Variants in VPS53 observed in about 807,000 individuals in gnomAD.
VPS53 encodes the protein VPS53 subunit of GARP complex, also known as vacuolar protein sorting-associated protein 53 homolog.
In VPS53, 70 loss-of-function variants were observed where a neutral mutation model predicts 107.0. The observed-to-expected ratio is 0.65, with a 90% CI of 0.54 to 0.80. The LOEUF (loss-of-function observed/expected upper bound fraction) is 0.80, where lower values mean the gene tolerates loss of function less well. Ranked by LOEUF, VPS53 falls within the 30% of genes least tolerant of loss-of-function variation. The pLI is 0.00. For missense variants in VPS53, 917 were observed against 1,049.4 expected (o/e 0.87, Z 1.74); for synonymous variants, 409 against 393.3 (o/e 1.04, Z -0.47).
At chr17:564,691 T>C (rs1200971930) in intron 13 of VPS53, among the ~76,000 whole-genome samples, 2 of 151,772 alleles carry the variant, frequency 1.3e-5, no homozygotes, top group Admixed American at 6.6e-5. Flanking sequence ...CATTCCAGCC[T>C]GGGCAACAGA....
Position 521,610 on chromosome 17 carries a change from C to A in VPS53, c.2214G>T (p.Met738Ile). The A allele has an allele frequency of 6.5e-7, 1 of 1,544,094 alleles. No individual in the cohort carries two copies. The highest frequency in any genetic ancestry group is 8.8e-7 in the Non-Finnish European group (1 of 1,142,438). Reference sequence around the variant, plus strand: ...TAACACAAGCCATCACCTTGAGGATCATCTCAGCCCGGGTCATGCCTTTGA... The same window carrying A: ...TAACACAAGCCATCACCTTGAGGATAATCTCAGCCCGGGTCATGCCTTTGA... ...IVVKGMTRAE[M>I]ILKVVMAPHE... Residue 738 changes from methionine (M) to isoleucine (I), a missense_variant, in exon 20 of 22, where the codon ATG (methionine) becomes ATT (isoleucine). Coordinates refer to ENST00000437048, the MANE Select transcript of VPS53 (RefSeq NM_001128159.3).
At chr17:614,883 G>T (rs970716686) in intron 11 of VPS53, among the ~76,000 whole-genome samples, 1 of 152,166 alleles carries the variant, frequency 6.6e-6, no homozygotes, top group African/African-American at 2.4e-5. Flanking sequence ...TTATGCAGTG[G>T]TCAAGAGGAA....
In VPS53 at chr17:636,724, G is replaced by C. The variant is rs143565232; in HGVS notation, c.609-5096C>G. Among the ~76,000 whole-genome samples the C allele has an allele frequency of 2.2e-3, 341 of 152,228 alleles. 9 individuals are homozygous for C. In the East Asian group the frequency reaches 0.055, roughly 25 times the overall value. ...GTTTATATGATGAATTACATTTTTTGATTTGCATATGTTGAACCAGCCTTG... is the reference window on the plus strand; with the variant it reads ...GTTTATATGATGAATTACATTTTTTCATTTGCATATGTTGAACCAGCCTTG... On this transcript the variant is annotated intron_variant, in intron 7 of 21. Coordinates refer to ENST00000437048, the MANE Select transcript of VPS53 (RefSeq NM_001128159.3).
intron 5 of VPS53, among the ~76,000 whole-genome samples, chr17:659,038 A>T (rs535520417): frequency 2.4e-5 from 2 of 84,106 alleles, no homozygotes; most frequent in South Asian, 4.0e-4. Context: ...CCAATGAATT[A>T]AAAAAAAAAA....
intron 19 of VPS53, among the ~76,000 whole-genome samples, chr17:525,996 CAAAAAAA>C (rs10677094): frequency 1.3e-5 from 1 of 74,684 alleles, no homozygotes; most frequent in African/African-American, 5.4e-5. Flanking sequence ...GACATTTTCT[CAAAAAAA>C]AAAAAAAAAA....
chr17:699,438 C>A, intron 2 of VPS53, 58 bp from the exon 3 acceptor site: 1 of 1,415,032 alleles, frequency 7.1e-7, no homozygotes, highest in Non-Finnish European at 9.4e-7. Context: ...ATTCCTCTTT[C>A]ACAGGAAAAT....
intron 2 of VPS53, among the ~76,000 whole-genome samples, chr17:700,286 T>C (rs1973149001): frequency 6.6e-6 from 1 of 152,106 alleles, no homozygotes; most frequent in African/African-American, 2.4e-5. Context: ...CTCACGCCTG[T>C]AATCCCAGCA....
In VPS53 at chr17:710,992, G is replaced by A. The variant is rs191631683; in HGVS notation, c.88-379C>T. ...TAATTAAAATAAGGCTGCGCGGATC[G>A]CTTGAGCTCAGGAGTTGGAGACTGG... On this transcript the variant is annotated intron_variant, in intron 1 of 21. Coordinates refer to ENST00000437048, the MANE Select transcript of VPS53 (RefSeq NM_001128159.3). Among the ~76,000 whole-genome samples, 150 of 152,164 alleles carry A rather than the reference G, an allele frequency of 9.9e-4. 1 individual carries two copies. The highest frequency in any genetic ancestry group is 3.4e-3 in the African/African-American group (140 of 41,518).
At chr17:557,110 C>T (rs992269278) in intron 15 of VPS53, among the ~76,000 whole-genome samples, 2 of 152,218 alleles carry the variant, frequency 1.3e-5, no homozygotes, top group Non-Finnish European at 2.9e-5. Context: ...TCCTCAGCCT[C>T]CCAAAGTGCT....
intron 8 of VPS53, among the ~76,000 whole-genome samples, chr17:630,922 T>C (rs1046732205): frequency 1.3e-5 from 2 of 152,138 alleles, no homozygotes; most frequent in East Asian, 1.9e-4. Context: ...GGCGCTAAGA[T>C]GGCATCTGCT....
chr17:568,706 G>A (rs1913778066), intron 13 of VPS53, among the ~76,000 whole-genome samples: 1 of 152,182 alleles, frequency 6.6e-6, no homozygotes, highest in African/African-American at 2.4e-5. Flanking sequence ...GGCAAACTGA[G>A]CAAATAGGTA....
chr17:578,810 C>T (rs993895943), intron 13 of VPS53, among the ~76,000 whole-genome samples: 3 of 151,506 alleles, frequency 2.0e-5, no homozygotes, highest in Non-Finnish European at 4.4e-5. Flanking sequence ...CCAACAGAAT[C>T]TCAGTGCATT....
At chr17:693,645 G>A (rs988893116) in intron 4 of VPS53, among the ~76,000 whole-genome samples, 1 of 152,120 alleles carries the variant, frequency 6.6e-6, no homozygotes, top group Admixed American at 6.6e-5. Context: ...AAGGTGGGAG[G>A]ATCACTTGGC....
rs769214472 is a variant in VPS53, at chr17:553,347, C to T, written c.1787+33G>A. ...ACGCTGCTGTGTAGTGGAGAAAGGG[C>T]AGGCAGCCAGTAAGTGTGTGCAGGG... On this transcript the variant is annotated intron_variant, in intron 16 of 21. Coordinates refer to ENST00000437048, the MANE Select transcript of VPS53 (RefSeq NM_001128159.3). The T allele has an allele frequency of 1.6e-5, 26 of 1,604,534 alleles. No individual in the cohort carries two copies. The South Asian group carries it at 2.6e-4, about 16-fold the overall frequency.
At position 545,467 on chromosome 17, in the gene VPS53, G is replaced by A. The variant is rs944312734; in HGVS notation, c.1866+6405C>T. ...CAACAGCACCAGCTATGGACCTAAA[G>A]GTTTCAGGGATTCTATGACCCCACC... On this transcript the variant is annotated intron_variant, in intron 17 of 21. Transcript: ENST00000437048. 3.9e-5 allele frequency among the ~76,000 whole-genome samples: 6 copies of A among 152,270 alleles called. No homozygotes were observed. The South Asian group carries it at 1.2e-3, about 32-fold the overall frequency.
At chr17:684,460 C>CA (rs1210571471) in intron 4 of VPS53, among the ~76,000 whole-genome samples, 2 of 152,156 alleles carry the variant, frequency 1.3e-5, no homozygotes, top group East Asian at 3.9e-4. Context: ...ATAATCATAC[C>CA]AAAAACCACA....
intron 12 of VPS53, among the ~76,000 whole-genome samples, chr17:600,564 T>C (rs1968282749): frequency 6.6e-6 from 1 of 152,274 alleles, no homozygotes; most frequent in African/African-American, 2.4e-5. Flanking sequence ...ATCTCCGGGA[T>C]GGAGCCTCCT....
intron 11 of VPS53, among the ~76,000 whole-genome samples, chr17:613,198 C>G (rs1423246225): frequency 1.3e-5 from 2 of 150,352 alleles, no homozygotes; most frequent in African/African-American, 4.9e-5. Flanking sequence ...AAAACCTGTA[C>G]AAATATTCAC....
At chr17:545,873 A>G (rs1291400265) in intron 17 of VPS53, among the ~76,000 whole-genome samples, 1 of 152,246 alleles carries the variant, frequency 6.6e-6, no homozygotes, top group African/African-American at 2.4e-5. Context: ...AGAAATGCTG[A>G]CATTGTAAGG....
Sources: gnomAD v4.1 joint callset for allele counts (sites outside exome capture counted in the v4.1 genomes callset) on GRCh38, gnomAD v4.1.1 for gene constraint, MANE v1.5 for transcripts, NCBI Gene and HGNC (gene_info 2026-07-23, HGNC 2026-07-21) for gene names.